TMEFF1: variants seen among roughly 807,000 people sequenced by gnomAD.
TMEFF1 encodes transmembrane protein with EGF like and two follistatin like domains 1.
A neutral mutation model predicts 47.5 loss-of-function variants in TMEFF1; 20 were observed. The observed-to-expected ratio is 0.42, with a 90% CI of 0.30 to 0.61. The LOEUF (loss-of-function observed/expected upper bound fraction) is 0.61, where lower values mean the gene tolerates loss of function less well. Among genes scored for constraint, TMEFF1 ranks in the 20% least tolerant of loss-of-function variants. The probability of loss-of-function intolerance (pLI) is 0.19; values close to 1 mark genes in which losing one functional copy is unlikely to be tolerated. For missense variants in TMEFF1, 411 were observed against 471.1 expected (o/e 0.87, Z 1.18); for synonymous variants, 162 against 166.3 (o/e 0.97, Z 0.20).
At chr9:100,541,970 G>A (rs931392699) in intron 5 of TMEFF1, among the ~76,000 whole-genome samples, 3 of 151,932 alleles carry the variant, frequency 2.0e-5, no homozygotes, top group African/African-American at 7.3e-5. Flanking sequence ...CATATAGCTG[G>A]CTTTTGTATT....
At chr9:100,484,381 G>A (rs1400268802) in intron 1 of TMEFF1, among the ~76,000 whole-genome samples, 2 of 151,094 alleles carry the variant, frequency 1.3e-5, no homozygotes, top group Non-Finnish European at 2.9e-5. Context: ...GCAATGGTGC[G>A]ATCTTGGCTC....
intron 1 of TMEFF1, among the ~76,000 whole-genome samples, chr9:100,482,248 A>G (rs1050917771): frequency 1.4e-5 from 2 of 145,884 alleles, no homozygotes; most frequent in Admixed American, 7.0e-5. Context: ...CCCAGGCTGG[A>G]GTGCAGCGGC....
rs552613366 is a variant in TMEFF1, at chr9:100,542,526, A to G, written c.561-5218A>G. Among the ~76,000 whole-genome samples the G allele has an allele frequency of 9.9e-5, 15 of 152,228 alleles. No individual in the cohort carries two copies. In the South Asian group the frequency reaches 3.1e-3, roughly 32 times the overall value. ...TTTATTTTACCCTTATTCTCAAAAG[A>G]TTTGTCTTAAATAGAATTATGTTCT... On this transcript the variant is annotated intron_variant, in intron 5 of 9. Transcript: ENST00000374879.
At chr9:100,522,608 T>C (rs1458487819) in intron 5 of TMEFF1, among the ~76,000 whole-genome samples, 1 of 151,852 alleles carries the variant, frequency 6.6e-6, no homozygotes, top group African/African-American at 2.4e-5. Flanking sequence ...GGCTAATTTT[T>C]GTATTTTTAG....
intron 1 of TMEFF1, among the ~76,000 whole-genome samples, chr9:100,478,629 T>C (rs1163303351): frequency 6.6e-6 from 1 of 152,214 alleles, no homozygotes; most frequent in Non-Finnish European, 1.5e-5. Context: ...TTATATCTTT[T>C]TTATTTATGC....
In TMEFF1 at chr9:100,576,498, C is replaced by G. The variant is rs1455167532; in HGVS notation, c.1059-18C>G. On this transcript the variant is annotated intron_variant, in intron 9 of 9. Coordinates refer to ENST00000374879, the MANE Select transcript of TMEFF1 (RefSeq NM_003692.5). ...ATCAAAACAATATTTTTCTCTCTTTCTTTTTTTAATGCAACAGAAAATGCC... is the reference window on the plus strand; with the variant it reads ...ATCAAAACAATATTTTTCTCTCTTTGTTTTTTTAATGCAACAGAAAATGCC... 2 of 1,602,054 alleles carry G rather than the reference C, an allele frequency of 1.2e-6. No homozygotes were observed. Among genetic ancestry groups the G allele is most frequent in the Middle Eastern group, 1.7e-4 (1 of 5,976 alleles).
intron 1 of TMEFF1, among the ~76,000 whole-genome samples, chr9:100,489,445 C>A (rs1174440728): frequency 6.6e-6 from 1 of 152,160 alleles, no homozygotes; most frequent in East Asian, 1.9e-4. Flanking sequence ...CCTGCCTTGG[C>A]CTCCCAAAGT....
In TMEFF1 at chr9:100,473,715, C is replaced by T; in HGVS notation, c.171C>T (p.Gly57=). ...GGGSGGDCPG[G]KGKSINCSEL... The stretch of plus-strand genomic sequence containing the variant: ...GCAGCGGCGGGGACTGTCCCGGCGG[C>T]AAAGGCAAGAGCATCAACTGCTCAG... Residue 57 remains glycine, a synonymous_variant, in exon 1 of 10, where the codon GGC becomes GGT. Coordinates refer to ENST00000374879, the MANE Select transcript of TMEFF1 (RefSeq NM_003692.5). This position sits in a 1 kb window ranked among gnomAD's most constrained non-coding sequence, Gnocchi z 5.4. The T allele has an allele frequency of 6.5e-7, 1 of 1,530,910 alleles. No homozygotes were observed. The highest frequency in any genetic ancestry group is 2.5e-5 in the East Asian group (1 of 39,380). 94.8% of individuals were successfully genotyped at this position (1,530,910 alleles called of 1,614,324 possible).
intron 1 of TMEFF1, among the ~76,000 whole-genome samples, chr9:100,487,382 G>A (rs1485073776): frequency 6.6e-6 from 1 of 152,080 alleles, no homozygotes; most frequent in Non-Finnish European, 1.5e-5. Flanking sequence ...TTGCTAGGCT[G>A]GTCTCGAATC....
At chr9:100,515,814 A>ACAAAC (rs1554684920) in intron 4 of TMEFF1, among the ~76,000 whole-genome samples, 4 of 151,822 alleles carry the variant, frequency 2.6e-5, no homozygotes, top group African/African-American at 9.7e-5. Flanking sequence ...AAACAAACAA[A>ACAAAC]AAAAAAAGAC....
At chr9:100,476,926 G>T (rs1193083105) in intron 1 of TMEFF1, among the ~76,000 whole-genome samples, 1 of 151,630 alleles carries the variant, frequency 6.6e-6, no homozygotes, top group Admixed American at 6.6e-5. Flanking sequence ...TCGATCTCCT[G>T]ACCTCGTGAT....
intron 9 of TMEFF1, among the ~76,000 whole-genome samples, chr9:100,574,495 C>G (rs1839310560): frequency 6.6e-6 from 1 of 152,060 alleles, no homozygotes; most frequent in South Asian, 2.1e-4. Context: ...TCTCAACCTC[C>G]CGAGTAGCTG....
At chr9:100,501,385 C>T (rs1261275093) in intron 2 of TMEFF1, among the ~76,000 whole-genome samples, 1 of 152,046 alleles carries the variant, frequency 6.6e-6, no homozygotes, top group Non-Finnish European at 1.5e-5. Context: ...CATTTGATTA[C>T]TAGAGAAATT....
intron 4 of TMEFF1, among the ~76,000 whole-genome samples, chr9:100,515,645 G>A (rs1838054510): frequency 1.3e-5 from 2 of 151,966 alleles, no homozygotes; most frequent in Non-Finnish European, 2.9e-5. Flanking sequence ...AATTAGCTGG[G>A]CATGGTGGTG....
chr9:100,485,136 T>C (rs889513140), intron 1 of TMEFF1, among the ~76,000 whole-genome samples: 3 of 152,364 alleles, frequency 2.0e-5, no homozygotes, highest in African/African-American at 7.2e-5. Flanking sequence ...TCCTTTTTTT[T>C]GACTGAATAA....
intron 1 of TMEFF1, among the ~76,000 whole-genome samples, chr9:100,486,847 AG>A (rs1837459528): frequency 6.6e-6 from 1 of 152,196 alleles, no homozygotes; most frequent in Admixed American, 6.5e-5. Context: ...TATGTTGCCC[AG>A]GCTGGTCTCG....
chr9:100,518,645 A>G (rs1360046108), intron 5 of TMEFF1: 1 of 271,776 alleles, frequency 3.7e-6, no homozygotes, highest in Non-Finnish European at 5.6e-6. Context: ...TTCTATGGAA[A>G]GAGACAAAAG....
chr9:100,550,378 T>A (rs1838810564), intron 7 of TMEFF1, among the ~76,000 whole-genome samples: 2 of 152,358 alleles, frequency 1.3e-5, no homozygotes, highest in South Asian at 4.1e-4. Flanking sequence ...GATTAAAGTC[T>A]GTATTGAGAT....
chr9:100,531,852 T>C (rs1838386432), intron 5 of TMEFF1, among the ~76,000 whole-genome samples: 1 of 152,082 alleles, frequency 6.6e-6, no homozygotes, highest in Admixed American at 6.5e-5. Flanking sequence ...ACTACAAGGC[T>C]ACAGTAACCA....
Sources: gnomAD v4.1 joint callset for allele counts (sites outside exome capture counted in the v4.1 genomes callset) on GRCh38, gnomAD v4.1.1 for gene constraint, Gnocchi (gnomAD v3.1) non-coding constraint, MANE v1.5 for transcripts, NCBI Gene and HGNC (gene_info 2026-07-23, HGNC 2026-07-21) for gene names.